Variants in MYO16 observed in about 807,000 individuals in gnomAD.
MYO16 encodes the protein myosin XVI.
Under a neutral mutation model 205.3 loss-of-function variants are expected in MYO16, and 94 were observed. That is an observed-to-expected ratio of 0.46 (90% confidence interval 0.39 to 0.54). The LOEUF (loss-of-function observed/expected upper bound fraction) is 0.54. Ranked by LOEUF, MYO16 falls within the 20% of genes least tolerant of loss-of-function variation. The pLI, the probability that MYO16 is intolerant of heterozygous loss-of-function variation, is 0.00. For missense variants in MYO16, 2,315 were observed against 2,387.5 expected, an observed-to-expected ratio of 0.97 and a Z score of 0.63; for synonymous variants, 988 against 954.0, an observed-to-expected ratio of 1.04 and a Z score of -0.66.
chr13:108,711,708 A>C (rs368537290), intron 2 of MYO16, among the ~76,000 whole-genome samples: 1 of 152,266 alleles, frequency 6.6e-6, no homozygotes, highest in African/African-American at 2.4e-5. Flanking sequence ...GCCATAGGAA[A>C]GAAGGCCCCT....
At chr13:109,112,010 A>G (rs1018858973) in intron 28 of MYO16, among the ~76,000 whole-genome samples, 1 of 152,148 alleles carries the variant, frequency 6.6e-6, no homozygotes, top group African/African-American at 2.4e-5. Context: ...AAATAAAGGG[A>G]TAGCATCTAA....
intron 2 of MYO16, among the ~76,000 whole-genome samples, chr13:108,673,814 G>A (rs1882092838): frequency 6.6e-6 from 1 of 152,096 alleles, no homozygotes; most frequent in African/African-American, 2.4e-5. Context: ...TAATTGTCGT[G>A]TTCAAAGCTG....
chr13:109,019,227 G>A (rs76084906), intron 22 of MYO16, among the ~76,000 whole-genome samples: 17,600 of 152,050 alleles, frequency 0.12, 1,101 homozygotes, highest in East Asian at 0.21. Flanking sequence ...ACCTGGCTGC[G>A]TTGGCCTCCC....
At chr13:108,879,182 T>C (rs1295207378) in intron 12 of MYO16, among the ~76,000 whole-genome samples, 1 of 152,216 alleles carries the variant, frequency 6.6e-6, no homozygotes, top group Non-Finnish European at 1.5e-5. Context: ...CCTGTGTTTG[T>C]ACTTGATGTA....
chr13:108,635,980 T>C (rs1880208563), intron 1 of MYO16, among the ~76,000 whole-genome samples: 1 of 152,206 alleles, frequency 6.6e-6, no homozygotes, highest in African/African-American at 2.4e-5. Context: ...ACTTTCATTT[T>C]TGTATTTGAA....
chr13:109,117,898 T>G (rs1280492162), intron 28 of MYO16, among the ~76,000 whole-genome samples: 7 of 152,194 alleles, frequency 4.6e-5, no homozygotes, highest in Admixed American at 4.6e-4. Context: ...TCCCAGCATA[T>G]CCAAATTGCT....
At chr13:108,883,212 C>T in intron 13 of MYO16, 26 bp downstream of exon 13, 1 of 1,605,436 alleles carries the variant, frequency 6.2e-7, no homozygotes, top group South Asian at 1.1e-5. Flanking sequence ...CCTTGTCTGC[C>T]AGGCTCAGGT....
chr13:109,055,685 TGTC>T lies in MYO16; in HGVS notation c.3335+91_3335+93del, dbSNP rs1887396434. ...CACTATTGTAGCAAGGGTCTTCTGT[TGTC>T]TTTTTTGGCACTGCTTTTGTTGTTT... On this transcript the variant is annotated intron_variant, in intron 27 of 34. Transcript: ENST00000457511. The surrounding 1 kb of genome is among the most constrained non-coding windows in gnomAD (Gnocchi z 5.0). 8.3e-7 allele frequency: 1 copy of T among 1,197,724 alleles called. No homozygotes were observed. The highest frequency in any genetic ancestry group is 1.2e-6 in the Non-Finnish European group (1 of 838,506). The allele number at this position is 1,197,724 out of a possible 1,614,324, so 74.2% of individuals were successfully genotyped here.
intron 4 of MYO16, among the ~76,000 whole-genome samples, chr13:108,744,299 A>G (rs1356596221): frequency 6.6e-6 from 1 of 152,062 alleles, no homozygotes; most frequent in Non-Finnish European, 1.5e-5. Flanking sequence ...TTTAAGCTGA[A>G]TCTTTTCACA....
intron 27 of MYO16, among the ~76,000 whole-genome samples, chr13:109,059,516 T>C (rs1887516733): frequency 1.3e-5 from 2 of 152,128 alleles, no homozygotes; most frequent in South Asian, 2.1e-4. Flanking sequence ...ATGCTGTAAA[T>C]TGATGTGCTT....
In MYO16 at chr13:109,162,056, C is replaced by G. The variant is rs925739112; in HGVS notation, c.5165-2845C>G. ...TGAGATCGTGCCACTGCCCTCCAGC[C>G]TGGGCAACAGAGTGAGAGACTCTGC... On this transcript the variant is annotated intron_variant, in intron 32 of 34. Transcript: ENST00000457511. This position sits in a 1 kb window ranked among gnomAD's most constrained non-coding sequence, Gnocchi z 4.6. Among the ~76,000 whole-genome samples, 11 of 152,318 alleles carry G rather than the reference C, an allele frequency of 7.2e-5. No individual in the cohort carries two copies. The highest frequency in any genetic ancestry group is 2.6e-4 in the African/African-American group (11 of 41,568).
chr13:108,875,756 C>T (rs1385225703), intron 12 of MYO16, among the ~76,000 whole-genome samples: 2 of 152,054 alleles, frequency 1.3e-5, no homozygotes, highest in Admixed American at 6.6e-5. Flanking sequence ...CACCTGTAGT[C>T]CTAGCTACTT....
chr13:108,993,565 G>T (rs12859344), intron 21 of MYO16, among the ~76,000 whole-genome samples: 2 of 152,212 alleles, frequency 1.3e-5, no homozygotes, highest in East Asian at 1.9e-4. Context: ...GAGTCAGCAC[G>T]AACCACGTTC....
At chr13:108,878,235 A>G (rs182542573) in intron 12 of MYO16, among the ~76,000 whole-genome samples, 21 of 152,212 alleles carry the variant, frequency 1.4e-4, no homozygotes, top group African/African-American at 3.8e-4. Flanking sequence ...TTTCGTGCCA[A>G]AAAGTTGCCT....
intron 28 of MYO16, among the ~76,000 whole-genome samples, chr13:109,115,989 A>C (rs1189298201): frequency 2.0e-5 from 3 of 152,190 alleles, no homozygotes; most frequent in African/African-American, 7.2e-5. Context: ...AAACAAACAA[A>C]AAACAGCAAA....
At chr13:108,931,396 G>T (rs1882247854) in intron 16 of MYO16, among the ~76,000 whole-genome samples, 1 of 152,100 alleles carries the variant, frequency 6.6e-6, no homozygotes, top group African/African-American at 2.4e-5. Context: ...CTTTTGCTTG[G>T]ATTCTCCTCC....
chr13:108,669,958 C>T (rs959643215), intron 2 of MYO16, among the ~76,000 whole-genome samples: 2 of 152,074 alleles, frequency 1.3e-5, no homozygotes, highest in African/African-American at 4.8e-5. Context: ...AGCATTAGGA[C>T]AAACACCTAA....
At chr13:109,189,627 T>G (rs1485251261) in intron 34 of MYO16, among the ~76,000 whole-genome samples, 1 of 152,230 alleles carries the variant, frequency 6.6e-6, no homozygotes, top group African/African-American at 2.4e-5. Context: ...CTGTGTACAT[T>G]GAAACCCCCC....
intron 4 of MYO16, among the ~76,000 whole-genome samples, chr13:108,737,165 C>G (rs1192779121): frequency 6.6e-6 from 1 of 152,124 alleles, no homozygotes; most frequent in African/African-American, 2.4e-5. Flanking sequence ...ACAGAACTTC[C>G]AACACTATGT....
Sources: gnomAD v4.1 joint callset for allele counts (sites outside exome capture counted in the v4.1 genomes callset) on GRCh38, gnomAD v4.1.1 for gene constraint, Gnocchi (gnomAD v3.1) non-coding constraint, MANE v1.5 for transcripts, NCBI Gene and HGNC (gene_info 2026-07-23, HGNC 2026-07-21) for gene names.